BACE1: variants seen among roughly 807,000 people sequenced by gnomAD.
BACE1 encodes the protein APP beta-secretase.
A neutral mutation model predicts 54.0 loss-of-function variants in BACE1; 21 were observed. The observed-to-expected ratio is 0.39, with a 90% CI of 0.28 to 0.56. BACE1 has a LOEUF of 0.56. BACE1 is among the 20% of genes least tolerant of loss of function. The pLI, the probability that BACE1 is intolerant of heterozygous loss-of-function variation, is 0.63. For synonymous variants in BACE1, 232 were observed against 260.9 expected, an observed-to-expected ratio of 0.89 and a Z score of 1.07; for missense variants, 511 against 661.2, an observed-to-expected ratio of 0.77 and a Z score of 2.49.
intron 1 of BACE1, among the ~76,000 whole-genome samples, chr11:117,311,672 G>A (rs1468775505): frequency 6.6e-6 from 1 of 152,054 alleles, no homozygotes; most frequent in Non-Finnish European, 1.5e-5. Flanking sequence ...ACGGAGTCTT[G>A]CTCTGTCACC....
chr11:117,292,608 A>G (rs922793879), intron 5 of BACE1, among the ~76,000 whole-genome samples: 2 of 152,188 alleles, frequency 1.3e-5, no homozygotes, highest in Non-Finnish European at 2.9e-5. Context: ...TTTACACATT[A>G]TCTCTGATAT....
chr11:117,315,645 G>C lies in BACE1; in HGVS notation c.151C>G (p.Pro51Ala). The change falls in exon 1 of 9, where the codon CCC becomes GCC. Residue 51 changes from proline (P) to alanine (A), a missense_variant. By Grantham distance (27) the Pro-to-Ala change is conservative. This residue lies in a region of BACE1 where 104 missense variants were observed against 95.5 expected (regional missense o/e 1.09). Transcript: ENST00000313005. The surrounding 1 kb of genome is among the most constrained non-coding windows in gnomAD (Gnocchi z 5.5). ...LRLPRETDEEPEEPGRRGSFV... is the reference protein window; with the variant it reads ...LRLPRETDEEAEEPGRRGSFV... ...CTGCCCCTCCGGCCGGGCTCCTCGGGCTCTTCGTCGGTCTCCCGGGGCAGC... is the reference window on the plus strand; with the variant it reads ...CTGCCCCTCCGGCCGGGCTCCTCGGCCTCTTCGTCGGTCTCCCGGGGCAGC... 1 of 1,579,454 alleles carries C rather than the reference G, an allele frequency of 6.3e-7. No homozygotes were observed. Among genetic ancestry groups the C allele is most frequent in the South Asian group, 1.2e-5 (1 of 86,688 alleles).
chr11:117,309,970 G>A (rs561748128), intron 1 of BACE1, among the ~76,000 whole-genome samples: 2 of 151,308 alleles, frequency 1.3e-5, no homozygotes, highest in South Asian at 2.1e-4. Context: ...GTGCAGTGGC[G>A]CAATCTCGGC....
In BACE1 at chr11:117,315,607, C is replaced by T. The variant is rs2035091023; in HGVS notation, c.189G>A (p.Met63Ile). 6.3e-7 allele frequency: 1 copy of T among 1,589,426 alleles called. No individual in the cohort carries two copies. Among genetic ancestry groups the T allele is most frequent in the Admixed American group, 1.8e-5 (1 of 57,134 alleles). Residue 63 changes from methionine (M) to isoleucine (I), a missense_variant, in exon 1 of 9, where the codon ATG (methionine) becomes ATA (isoleucine). Physicochemically the swap from Met to Ile is conservative, Grantham distance 10. Around this residue, in one of 2 missense-constraint regions of BACE1, gnomAD observed 104 missense variants for 95.5 expected, o/e 1.09. Coordinates refer to ENST00000313005, the MANE Select transcript of BACE1 (RefSeq NM_012104.6). The surrounding 1 kb of genome is among the most constrained non-coding windows in gnomAD (Gnocchi z 5.5). ...CCGACTTGCCCCTCAGGTTGTCCACCATCTCCACAAAGCTGCCCCTCCGGC... is the reference window on the plus strand; with the variant it reads ...CCGACTTGCCCCTCAGGTTGTCCACTATCTCCACAAAGCTGCCCCTCCGGC... ...EPGRRGSFVE[M>I]VDNLRGKSGQ...
rs552768527 is a variant in BACE1, at chr11:117,296,904, G to T, written c.319C>A (p.Pro107Thr). The change falls in exon 2 of 9, where the codon CCC becomes ACC. Residue 107 changes from proline to threonine, a missense_variant. By Grantham distance (38) the Pro-to-Thr change is conservative. This residue lies in a region of BACE1 where 407 missense variants were observed against 565.7 expected (regional missense o/e 0.72). Transcript: ENST00000313005. ...CTCTGGTAGTAGCGATGCAGGAAGGGGTGGGGGGCAGCACCCACTGCAAAG... is the reference window on the plus strand; with the variant it reads ...CTCTGGTAGTAGCGATGCAGGAAGGTGTGGGGGGCAGCACCCACTGCAAAG... Reference protein sequence around the residue: ...SNFAVGAAPHPFLHRYYQRQL... With the variant: ...SNFAVGAAPHTFLHRYYQRQL... 6.2e-7 allele frequency: 1 copy of T among 1,613,674 alleles called. No homozygotes were observed.
At chr11:117,290,346 C>G (rs2034386287) in intron 8 of BACE1, 142 bp downstream of exon 8, 1 of 1,056,426 alleles carries the variant, frequency 9.5e-7, no homozygotes, top group African/African-American at 1.6e-5. Flanking sequence ...TTGACACTAG[C>G]TTTTGCACAA....
chr11:117,312,752 C>T (rs952749936), intron 1 of BACE1, among the ~76,000 whole-genome samples: 8 of 152,184 alleles, frequency 5.3e-5, no homozygotes, highest in Non-Finnish European at 1.0e-4. Flanking sequence ...CGTGAGCCAC[C>T]GCGTCCAGCC....
chr11:117,293,135 G>A lies in BACE1; in HGVS notation c.759C>T (p.Pro253=), dbSNP rs770285913. Residue 253 remains proline, a synonymous_variant, in exon 5 of 9, where the codon CCC becomes CCT. Coordinates refer to ENST00000313005, the MANE Select transcript of BACE1 (RefSeq NM_012104.6). The surrounding 1 kb of genome is among the most constrained non-coding windows in gnomAD (Gnocchi z 4.1). ...SLYTGSLWYT[P]IRREWYYEVI... The stretch of plus-strand genomic sequence containing the variant: ...CCTCATAATACCACTCCCGCCGGAT[G>A]GGTGTATACCAGAGACTGCCTGTGT... 21 of 1,613,946 alleles carry A rather than the reference G, an allele frequency of 1.3e-5. No individual in the cohort carries two copies. In the South Asian group the frequency reaches 1.6e-4, roughly 13 times the overall value.
At position 117,289,711 on chromosome 11, in the gene BACE1, G is replaced by T; in HGVS notation, c.1361C>A (p.Thr454Asn). The T allele has an allele frequency of 6.2e-7, 1 of 1,614,226 alleles. No individual in the cohort carries two copies. Among genetic ancestry groups the T allele is most frequent in the Non-Finnish European group, 8.5e-7 (1 of 1,180,040 alleles). The change falls in exon 9 of 9, where the codon ACC (threonine) becomes AAC (asparagine). Residue 454 changes from threonine to asparagine, a missense_variant. Around this residue, in one of 2 missense-constraint regions of BACE1, gnomAD observed 407 missense variants for 565.7 expected, o/e 0.72. Transcript: ENST00000313005. ...GYNIPQTDES[T>N]LMTIAYVMAA... is the part of the protein sequence containing the mutation. ...CATGACATAGGCTATGGTCATGAGG[G>T]TTGACTCATCTGTCTGTGGAATGTT... is the stretch of plus-strand genomic sequence containing the variant.
rs1482008208 is a variant in BACE1 at position 117,293,287 on chromosome 11, A to G, written c.706-99T>C. On this transcript the variant is annotated intron_variant, in intron 4 of 8. Coordinates refer to ENST00000313005, the MANE Select transcript of BACE1 (RefSeq NM_012104.6). The surrounding 1 kb of genome is among the most constrained non-coding windows in gnomAD (Gnocchi z 4.1). ...AGATCAGTGATTTCTTGGGGTGGCA[A>G]GGTCTTCTACAGGCTACCCTTTTCA... 3.7e-6 allele frequency: 5 copies of G among 1,337,548 alleles called. No individual in the cohort carries two copies. Among genetic ancestry groups the G allele is most frequent in the Non-Finnish European group, 5.2e-6 (5 of 967,942 alleles). 82.9% of individuals were successfully genotyped at this position (1,337,548 alleles called of 1,614,324 possible).
chr11:117,297,140 G>A (rs2034619744), intron 1 of BACE1, 179 bp from the exon 2 acceptor site: 2 of 566,892 alleles, frequency 3.5e-6, no homozygotes, highest in Non-Finnish European at 6.2e-6. Flanking sequence ...CAGGACCTGG[G>A]GTCCTGTGGT....
At chr11:117,302,663 A>G (rs940868558) in intron 1 of BACE1, among the ~76,000 whole-genome samples, 11 of 152,356 alleles carry the variant, frequency 7.2e-5, no homozygotes, top group African/African-American at 2.6e-4. Flanking sequence ...CGGGCAGATC[A>G]TTTGAAGTCA....
At chr11:117,308,689 C>T (rs985021321) in intron 1 of BACE1, among the ~76,000 whole-genome samples, 1 of 152,068 alleles carries the variant, frequency 6.6e-6, no homozygotes, top group Non-Finnish European at 1.5e-5. Context: ...GTGGCTCATA[C>T]CTGTAATCCT....
chr11:117,308,722 G>A (rs2034884869), intron 1 of BACE1, among the ~76,000 whole-genome samples: 1 of 152,058 alleles, frequency 6.6e-6, no homozygotes, highest in Non-Finnish European at 1.5e-5. Flanking sequence ...GGCTGAGGCG[G>A]GCGGTCACTT....
At chr11:117,295,575 C>G in intron 2 of BACE1, 1 of 1,535,660 alleles carries the variant, frequency 6.5e-7, no homozygotes, top group Non-Finnish European at 8.7e-7. Flanking sequence ...CTATCTATTG[C>G]TCATATTCCT....
rs1591856518 is a variant in BACE1 at position 117,293,585 on chromosome 11, A to G, written c.705+286T>C. The G allele has an allele frequency of 3.3e-6, 1 of 303,506 alleles. No individual in the cohort carries two copies. The highest frequency in any genetic ancestry group is 1.1e-4 in the South Asian group (1 of 9,380). The allele number at this position is 303,506 out of a possible 1,614,324, so 18.8% of individuals were successfully genotyped here. ...AAACTTCTTATATCTCTGCCTTCTG[A>G]CCATCAAACTGAATAATTTTAATTC... On this transcript the variant is annotated intron_variant, in intron 4 of 8. Coordinates refer to ENST00000313005, the MANE Select transcript of BACE1 (RefSeq NM_012104.6). This position sits in a 1 kb window ranked among gnomAD's most constrained non-coding sequence, Gnocchi z 4.1.
At position 117,289,626 on chromosome 11, in the gene BACE1, G is replaced by A. The variant is rs752900456; in HGVS notation, c.1446C>T (p.Cys482=). Residue 482 remains cysteine, a synonymous_variant, in exon 9 of 9, where the codon TGC becomes TGT. Transcript: ENST00000313005. The part of the protein sequence containing the change: ...PLCLMVCQWR[C]LRCLRQQHDD... ...CATGCTGCTGGCGCAGGCAGCGGAG[G>A]CAGCGCCACTGACACACCATGAGGC... The A allele has an allele frequency of 1.7e-5, 27 of 1,614,088 alleles. No individual in the cohort carries two copies. The highest frequency in any genetic ancestry group is 2.3e-5 in the Non-Finnish European group (27 of 1,180,040).
At position 117,286,850 on chromosome 11, in the gene BACE1, G is replaced by A. The variant is rs372565851; in HGVS notation, c.*2716C>T. 7 of 152,736 alleles carry A rather than the reference G, an allele frequency of 4.6e-5. No individual in the cohort carries two copies. The highest frequency in any genetic ancestry group is 1.7e-4 in the African/African-American group (7 of 41,568). 9.5% of individuals were successfully genotyped at this position (152,736 alleles called of 1,614,324 possible). ...TTTCTTTGGTTAATGAAATGTTACT[G>A]TCTCCAGGTTAGTAGCTGTCATGAA... is the stretch of plus-strand genomic sequence containing the variant. On this transcript the variant is annotated 3_prime_UTR_variant, in exon 9 of 9. Transcript: ENST00000313005.
chr11:117,313,319 G>A (rs904884142), intron 1 of BACE1, among the ~76,000 whole-genome samples: 4 of 152,236 alleles, frequency 2.6e-5, no homozygotes, highest in Admixed American at 6.5e-5. Context: ...AGAAAGGAAC[G>A]AGGAAGGAAC....
Sources: gnomAD v4.1 joint callset for allele counts (sites outside exome capture counted in the v4.1 genomes callset) on GRCh38, gnomAD v4.1.1 for gene constraint, gnomAD v4.1.1 regional missense constraint, Gnocchi (gnomAD v3.1) non-coding constraint, MANE v1.5 for transcripts, NCBI Gene and HGNC (gene_info 2026-07-23, HGNC 2026-07-21) for gene names.